UBE2C: variants seen among roughly 807,000 people sequenced by gnomAD.
UBE2C encodes ubiquitin-conjugating enzyme E2 C.
In UBE2C, 16 loss-of-function variants were observed where a neutral mutation model predicts 23.5. The observed-to-expected ratio is 0.68, with a 90% confidence interval of 0.46 to 1.03. The LOEUF (loss-of-function observed/expected upper bound fraction) is 1.03, where lower values mean the gene tolerates loss of function less well. UBE2C is among the 50% of genes least tolerant of loss of function. The pLI, the probability that UBE2C is intolerant of heterozygous loss-of-function variation, is 0.00. For missense variants in UBE2C, 192 were observed against 227.6 expected (o/e 0.84, Z 1.01); for synonymous variants, 76 against 91.6 (o/e 0.83, Z 0.97).
At position 45,816,881 on chromosome 20, in the gene UBE2C, T is replaced by G. The variant is rs1982620992; in HGVS notation, c.*114T>G. The G allele has an allele frequency of 1.1e-6, 1 of 930,502 alleles. No individual in the cohort carries two copies. Among genetic ancestry groups the G allele is most frequent in the Non-Finnish European group, 1.6e-6 (1 of 630,256 alleles). 57.6% of individuals were successfully genotyped at this position (930,502 alleles called of 1,614,324 possible). A position where few individuals can be genotyped will look rare whatever the true frequency, so the allele number is the denominator to read the frequency against. On this transcript the variant is annotated 3_prime_UTR_variant, in exon 6 of 6. Coordinates refer to ENST00000356455, the MANE Select transcript of UBE2C (RefSeq NM_007019.4). The stretch of plus-strand genomic sequence containing the variant: ...ATCTTGAGCTGTGGTATTTTTGTTT[T>G]GTTTTTGTCTTTTAAATTAAGCCTC...
intron 1 of UBE2C, chr20:45,813,136 AC>A: frequency 7.1e-7 from 1 of 1,399,026 alleles, no homozygotes; most frequent in Admixed American, 3.1e-5. Flanking sequence ...ACGCTCAAGG[AC>A]CCTCGTGACT....
rs763606565 is a variant in UBE2C, at chr20:45,813,406, TC to T, written c.102-28del. 4.0e-5 allele frequency: 65 copies of T among 1,613,936 alleles called. No homozygotes were observed. In the East Asian group the frequency reaches 1.4e-3, roughly 36 times the overall value. ...GTCTGGAGGCCTGGCCCATCCAGACTCCCAGGTAACCCCGAATACTCTTTTT... is the reference window on the plus strand; with the variant it reads ...GTCTGGAGGCCTGGCCCATCCAGACTCCAGGTAACCCCGAATACTCTTTTT... On this transcript the variant is annotated intron_variant, in intron 1 of 5. Coordinates refer to ENST00000356455, the MANE Select transcript of UBE2C (RefSeq NM_007019.4).
At chr20:45,813,608 T>G in intron 2 of UBE2C, 144 bp downstream of exon 2, 1 of 1,044,776 alleles carries the variant, frequency 9.6e-7, no homozygotes, top group Non-Finnish European at 1.5e-6. Context: ...CCTACACCAT[T>G]TCTTCCAGCA....
chr20:45,815,802 C>T, intron 4 of UBE2C, 52 bp from the exon 5 acceptor site: 1 of 1,613,540 alleles, frequency 6.2e-7, no homozygotes, highest in South Asian at 1.1e-5. Context: ...TCAGGACTCC[C>T]TGGGGTCAGC....
intron 1 of UBE2C, 92 bp from the exon 2 acceptor site, chr20:45,813,345 G>A (rs1471468742): frequency 1.4e-5 from 23 of 1,610,602 alleles, no homozygotes; most frequent in Non-Finnish European, 1.8e-5. Context: ...CCTCCATGAC[G>A]GCTCCCCCTG....
At position 45,815,967 on chromosome 20, in the gene UBE2C, T is replaced by G. The variant is rs1327325579; in HGVS notation, c.481+54T>G. The G allele has an allele frequency of 3.1e-6, 5 of 1,589,502 alleles. No individual in the cohort carries two copies. In the East Asian group the frequency reaches 6.7e-5, roughly 21 times the overall value. ...GATCCCTCCCCCAACCTTCAAAGGC[T>G]CCCTCAAACAAAAGGAGCCCAGTGA... On this transcript the variant is annotated intron_variant, in intron 5 of 5. Coordinates refer to ENST00000356455, the MANE Select transcript of UBE2C (RefSeq NM_007019.4).
chr20:45,813,011 G>A, intron 1 of UBE2C: 20 of 1,428,490 alleles, frequency 1.4e-5, no homozygotes, highest in Non-Finnish European at 1.7e-5. Context: ...GCGCGGGTGA[G>A]ATTCGAGAGA....
chr20:45,814,357 A>C (rs761095928), intron 2 of UBE2C, 27 bp from the exon 3 acceptor site: 1 of 1,584,968 alleles, frequency 6.3e-7, no homozygotes, highest in East Asian at 2.3e-5. Context: ...TGTACTCCAC[A>C]TTCCAACAAA....
rs1200496395 is a variant in UBE2C, at chr20:45,813,180, G to A, written c.102-257G>A. The A allele has an allele frequency of 2.8e-6, 4 of 1,409,800 alleles. No homozygotes were observed. The East Asian group carries it at 1.0e-4, about 37-fold the overall frequency. 87.3% of individuals were successfully genotyped at this position (1,409,800 alleles called of 1,614,324 possible). A position where few individuals can be genotyped will look rare whatever the true frequency, so the allele number is the denominator to read the frequency against. On this transcript the variant is annotated intron_variant, in intron 1 of 5. Transcript: ENST00000356455. ...GACAGGGGAAGGGAGAAGTTGAGTCGGGCAAGGAAGAGATGCTAAAGCCTG... is the reference window on the plus strand; with the variant it reads ...GACAGGGGAAGGGAGAAGTTGAGTCAGGCAAGGAAGAGATGCTAAAGCCTG...
intron 3 of UBE2C, among the ~76,000 whole-genome samples, chr20:45,815,123 C>G (rs1982381695): frequency 6.6e-6 from 1 of 151,996 alleles, no homozygotes; most frequent in Non-Finnish European, 1.5e-5. Context: ...AGGCGTGAGC[C>G]ACCACGCCCG....
At chr20:45,812,855 A>G in intron 1 of UBE2C, 59 bp downstream of exon 1, 1 of 1,504,468 alleles carries the variant, frequency 6.6e-7, no homozygotes, top group Non-Finnish European at 8.9e-7. Flanking sequence ...TGGTACCCAG[A>G]GCAAAGATTT....
chr20:45,815,076 A>C, intron 3 of UBE2C, among the ~76,000 whole-genome samples: 1 of 151,834 alleles, frequency 6.6e-6, no homozygotes, highest in Non-Finnish European at 1.5e-5. Flanking sequence ...TGACCTCAAG[A>C]TCCACCCGCC....
chr20:45,814,478 T>C lies in UBE2C; in HGVS notation c.216+8T>C. On this transcript the variant is annotated splice_region_variant and intron_variant, in intron 3 of 5. Coordinates refer to ENST00000356455, the MANE Select transcript of UBE2C (RefSeq NM_007019.4). Reference sequence around the variant, plus strand: ...CATGGAGCAGCTGGAACAGTAAGTGTAGGGCTGGGATGGGTGAGTGAGTCT... The same window carrying C: ...CATGGAGCAGCTGGAACAGTAAGTGCAGGGCTGGGATGGGTGAGTGAGTCT... 6.2e-7 allele frequency: 1 copy of C among 1,603,776 alleles called. No homozygotes were observed. The highest frequency in any genetic ancestry group is 8.5e-7 in the Non-Finnish European group (1 of 1,174,184).
intron 1 of UBE2C, 85 bp from the exon 2 acceptor site, chr20:45,813,352 C>G (rs182395793): frequency 1.6e-4 from 259 of 1,611,914 alleles, no homozygotes; most frequent in Admixed American, 8.2e-4. Context: ...GACGGCTCCC[C>G]CTGAGATTCA....
rs748320752 is a variant in UBE2C, at chr20:45,812,689, C to T, written c.-7C>T. 3 of 1,550,936 alleles carry T rather than the reference C, an allele frequency of 1.9e-6. No individual in the cohort carries two copies. The highest frequency in any genetic ancestry group is 2.7e-5 in the African/African-American group (2 of 73,068). On this transcript the variant is annotated 5_prime_UTR_variant, in exon 1 of 6. Coordinates refer to ENST00000356455, the MANE Select transcript of UBE2C (RefSeq NM_007019.4). Reference sequence around the variant, plus strand: ...CGAGTTCCTGTCTCTCTGCCAACGCCGCCCGGATGGCTTCCCAAAACCGCG... The same window carrying T: ...CGAGTTCCTGTCTCTCTGCCAACGCTGCCCGGATGGCTTCCCAAAACCGCG...
At chr20:45,813,553 G>A in intron 2 of UBE2C, 89 bp downstream of exon 2, 1 of 1,571,644 alleles carries the variant, frequency 6.4e-7, no homozygotes, top group Non-Finnish European at 8.8e-7. Context: ...AGACATAGGG[G>A]TAATGTAATT....
At chr20:45,816,331 C>G (rs566181802) in intron 5 of UBE2C, among the ~76,000 whole-genome samples, 1 of 152,194 alleles carries the variant, frequency 6.6e-6, no homozygotes, top group African/African-American at 2.4e-5. Flanking sequence ...CCAGCTGCCT[C>G]TTGCCCACCT....
chr20:45,816,574 T>C (rs1465103416), intron 5 of UBE2C, 135 bp from the exon 6 acceptor site: 12 of 690,556 alleles, frequency 1.7e-5, no homozygotes, highest in Non-Finnish European at 2.7e-5. Context: ...GAAGCAGAGG[T>C]TGCAGTGAGC....
chr20:45,812,895 G>T, intron 1 of UBE2C, 99 bp downstream of exon 1: 1 of 1,451,680 alleles, frequency 6.9e-7, no homozygotes, highest in Admixed American at 2.5e-5. Flanking sequence ...CCACCTCCTG[G>T]AGCGGGAGAT....
Sources: gnomAD v4.1 joint callset for allele counts (sites outside exome capture counted in the v4.1 genomes callset) on GRCh38, gnomAD v4.1.1 for gene constraint, MANE v1.5 for transcripts, NCBI Gene and HGNC (gene_info 2026-07-23, HGNC 2026-07-21) for gene names.